PSMD4: variants seen among roughly 807,000 people sequenced by gnomAD.
PSMD4 encodes the protein 26S proteasome non-ATPase regulatory subunit 4.
Under a neutral mutation model 39.7 loss-of-function variants are expected in PSMD4, and 5 were observed. That is an observed-to-expected ratio of 0.13 (90% confidence interval 0.07 to 0.26). The LOEUF (loss-of-function observed/expected upper bound fraction) is 0.26, where lower values mean the gene tolerates loss of function less well. PSMD4 is among the 10% of genes least tolerant of loss of function. The pLI, the probability that PSMD4 is intolerant of heterozygous loss-of-function variation, is 1.00. For synonymous variants in PSMD4, 143 were observed against 174.6 expected (o/e 0.82, Z 1.43); for missense variants, 272 against 486.1 (o/e 0.56, Z 4.14).
chr1:151,263,822 T>C (rs1162511886), intron 2 of PSMD4, 92 bp from the exon 3 acceptor site: 5 of 912,716 alleles, frequency 5.5e-6, no homozygotes, highest in Non-Finnish European at 8.2e-6. Context: ...AGAGTGAGAC[T>C]CCGTCTAAAA....
chr1:151,264,908 A>G lies in PSMD4; in HGVS notation c.359A>G (p.Asn120Ser), dbSNP rs587764311. The G allele has an allele frequency of 1.1e-5, 18 of 1,611,606 alleles. No homozygotes were observed. In the Middle Eastern group the frequency reaches 6.6e-4, roughly 59 times the overall value. ...IAFVGSPVED[N>S]EKDLVKLAKR... Reference sequence around the variant, plus strand: ...TTTGTGGGAAGCCCAGTGGAGGACAATGAGAAGGATGTGAGTCCAAGTGGC... The same window carrying G: ...TTTGTGGGAAGCCCAGTGGAGGACAGTGAGAAGGATGTGAGTCCAAGTGGC... The change falls in exon 4 of 10, where the codon AAT becomes AGT. Residue 120 changes from asparagine (N) to serine (S), a missense_variant. Coordinates refer to ENST00000368884, the MANE Select transcript of PSMD4 (RefSeq NM_002810.4).
At chr1:151,258,584 C>T (rs1693239389) in intron 1 of PSMD4, among the ~76,000 whole-genome samples, 1 of 151,056 alleles carries the variant, frequency 6.6e-6, no homozygotes, top group Non-Finnish European at 1.5e-5. Context: ...CCTCAGCCTC[C>T]TGAATAGCTG....
intron 2 of PSMD4, among the ~76,000 whole-genome samples, chr1:151,263,076 G>T (rs1042620434): frequency 2.6e-5 from 4 of 152,078 alleles, no homozygotes; most frequent in African/African-American, 9.7e-5. Flanking sequence ...AGGAGTTAGG[G>T]GAAAATATTT....
chr1:151,257,715 C>CTTTTTTTTTTTTTTTTTTTTTTTTTT (rs71090149), intron 1 of PSMD4, among the ~76,000 whole-genome samples: 1 of 88,718 alleles, frequency 1.1e-5, no homozygotes, highest in Non-Finnish European at 2.0e-5. Flanking sequence ...ACCTGGCTTT[C>CTTTTTTTTTTTTTTTTTTTTTTTTTT]TTTTTTTTTT....
Position 151,260,303 on chromosome 1 carries a change from G to T in PSMD4, c.27-1858G>T, listed in dbSNP as rs191451223. On this transcript the variant is annotated intron_variant, in intron 1 of 9. Coordinates refer to ENST00000368884, the MANE Select transcript of PSMD4 (RefSeq NM_002810.4). The stretch of plus-strand genomic sequence containing the variant: ...TATTAGAGCTCTCAGGGACCTCAGA[G>T]GTCATCAAGAATTGATCCTTACAGG... Among the ~76,000 whole-genome samples, 672 of 152,192 alleles carry T rather than the reference G, an allele frequency of 4.4e-3. 6 individuals carry two copies. The highest frequency in any genetic ancestry group is 0.014 in the Middle Eastern group (4 of 294).
At position 151,254,777 on chromosome 1, in the gene PSMD4, G is replaced by T; in HGVS notation, c.-6G>T. 6.4e-7 allele frequency: 1 copy of T among 1,565,426 alleles called. No homozygotes were observed. The highest frequency in any genetic ancestry group is 8.6e-7 in the Non-Finnish European group (1 of 1,156,724). On this transcript the variant is annotated 5_prime_UTR_variant, in exon 1 of 10. Coordinates refer to ENST00000368884, the MANE Select transcript of PSMD4 (RefSeq NM_002810.4). ...AGACCCGGTCGGGAGGGAGGAAGGT[G>T]GCAAGATGGTGTTGGAAAGCACTAT...
At chr1:151,256,217 G>T (rs1693162137) in intron 1 of PSMD4, among the ~76,000 whole-genome samples, 1 of 150,842 alleles carries the variant, frequency 6.6e-6, no homozygotes, top group South Asian at 2.1e-4. Context: ...GGTGGTGGAC[G>T]CCTGTAGTCC....
In PSMD4 at chr1:151,266,532, C is replaced by T. The variant is rs370062097; in HGVS notation, c.908C>T (p.Ala303Val). Residue 303 changes from alanine (A) to valine (V), a missense_variant, in exon 9 of 10, where the codon GCG (alanine) becomes GTG (valine). Ala to Val is a moderately conservative substitution (Grantham distance 64, BLOSUM62 0). Transcript: ENST00000368884. ...MSLQGAEFGQ[A>V]ESADIDASSA... The stretch of plus-strand genomic sequence containing the variant: ...CTCTCTTCCTCAGAGTTTGGCCAGG[C>T]GGAATCAGCAGACATTGATGCCAGC... 1.2e-5 allele frequency: 19 copies of T among 1,614,042 alleles called. No individual in the cohort carries two copies. The highest frequency in any genetic ancestry group is 2.2e-5 in the East Asian group (1 of 44,894).
rs748544781 is a variant in PSMD4 at position 151,263,792 on chromosome 1, C to T, written c.168-122C>T. Reference sequence around the variant, plus strand: ...CTTGCAGTGACCCGAGATCACGCCACGCACTCCAGCCTGGGTGACAGAGTG... The same window carrying T: ...CTTGCAGTGACCCGAGATCACGCCATGCACTCCAGCCTGGGTGACAGAGTG... On this transcript the variant is annotated intron_variant, in intron 2 of 9. Transcript: ENST00000368884. 5.8e-5 allele frequency: 36 copies of T among 620,522 alleles called. 1 individual carries two copies. The highest frequency in any genetic ancestry group is 5.0e-4 in the Middle Eastern group (1 of 2,004). 38.4% of individuals were successfully genotyped at this position (620,522 alleles called of 1,614,324 possible). A position where few individuals can be genotyped will look rare whatever the true frequency, so the allele number is the denominator to read the frequency against.
chr1:151,255,702 A>G (rs1432896387), intron 1 of PSMD4, among the ~76,000 whole-genome samples: 1 of 152,076 alleles, frequency 6.6e-6, no homozygotes, highest in Non-Finnish European at 1.5e-5. Flanking sequence ...CAGGATGCCC[A>G]GTGAAATTTG....
intron 1 of PSMD4, among the ~76,000 whole-genome samples, chr1:151,258,149 G>A (rs891521229): frequency 8.6e-5 from 13 of 151,506 alleles, no homozygotes; most frequent in Non-Finnish European, 1.3e-4. Context: ...TCAGCCTCCC[G>A]AGTAGCTGGG....
At chr1:151,257,149 T>C (rs1571065893) in intron 1 of PSMD4, among the ~76,000 whole-genome samples, 1 of 152,252 alleles carries the variant, frequency 6.6e-6, no homozygotes, top group East Asian at 1.9e-4. Context: ...GCTTCAATCT[T>C]CTGCATATGG....
intron 2 of PSMD4, chr1:151,263,684 A>T (rs1223816146): frequency 1.4e-5 from 4 of 281,508 alleles, no homozygotes; most frequent in African/African-American, 8.9e-5. Context: ...ACAAAAAATT[A>T]GCCAGGCGTG....
At chr1:151,257,540 T>TTTAA (rs763768614) in intron 1 of PSMD4, among the ~76,000 whole-genome samples, 297 of 152,110 alleles carry the variant, frequency 2.0e-3, no homozygotes, top group Non-Finnish European at 3.4e-3. Context: ...AATGGCCAAT[T>TTTAA]TTAATTAATT....
intron 9 of PSMD4, 36 bp downstream of exon 9, chr1:151,266,623 C>A (rs1406019030): frequency 6.2e-7 from 1 of 1,608,014 alleles, no homozygotes; most frequent in Non-Finnish European, 8.5e-7. Context: ...GGTTTAAAGT[C>A]CTTGAATTTA....
chr1:151,265,985 A>T lies in PSMD4; in HGVS notation c.655-19A>T. On this transcript the variant is annotated intron_variant, in intron 6 of 9. Transcript: ENST00000368884. ...GAGTGAGGGCAGGGGAGCCCTGATTATGCCCTGCCCTTCACCAGGCCCTTC... is the reference window on the plus strand; with the variant it reads ...GAGTGAGGGCAGGGGAGCCCTGATTTTGCCCTGCCCTTCACCAGGCCCTTC... The T allele has an allele frequency of 1.9e-6, 3 of 1,559,908 alleles. No individual in the cohort carries two copies. Among genetic ancestry groups the T allele is most frequent in the South Asian group, 2.4e-5 (2 of 82,844 alleles).
intron 1 of PSMD4, among the ~76,000 whole-genome samples, chr1:151,261,164 T>A (rs1693308123): frequency 6.9e-6 from 1 of 145,366 alleles, no homozygotes; most frequent in African/African-American, 2.6e-5. Flanking sequence ...ATTTTATAGA[T>A]TTTTTTTTTC....
intron 1 of PSMD4, among the ~76,000 whole-genome samples, chr1:151,260,101 A>C (rs989407385): frequency 2.3e-4 from 35 of 151,876 alleles, no homozygotes; most frequent in Admixed American, 3.9e-4. Flanking sequence ...TAGGAGGCTG[A>C]GGGAGGAGAA....
In PSMD4 at chr1:151,267,350, A is replaced by T; in HGVS notation, c.*7A>T. ...GGAGGAAGACAAGAAGTGAGACTGG[A>T]GGGAAAGGGTAGCTGAGTCTGCTTA... On this transcript the variant is annotated 3_prime_UTR_variant, in exon 10 of 10. Coordinates refer to ENST00000368884, the MANE Select transcript of PSMD4 (RefSeq NM_002810.4). The T allele has an allele frequency of 6.2e-7, 1 of 1,613,638 alleles. No individual in the cohort carries two copies. Among genetic ancestry groups the T allele is most frequent in the Non-Finnish European group, 8.5e-7 (1 of 1,179,638 alleles).
Sources: allele counts gnomAD v4.1 joint callset (sites outside exome capture counted in the v4.1 genomes callset), GRCh38; gene constraint gnomAD v4.1.1; transcripts MANE v1.5; gene names NCBI Gene and HGNC (gene_info 2026-07-23, HGNC 2026-07-21).